Variants in PIP5K1C observed in about 807,000 individuals in gnomAD.
The protein encoded by PIP5K1C is phosphatidylinositol 4-phosphate 5-kinase type-1 gamma.
PIP5K1C carries 45 observed loss-of-function variants against 80.1 expected under a neutral mutation model. The observed-to-expected ratio is 0.56, with a 90% CI of 0.44 to 0.72. The LOEUF (loss-of-function observed/expected upper bound fraction) is 0.72. PIP5K1C is among the 30% of genes least tolerant of loss of function. The pLI is 0.00. For missense variants in PIP5K1C, 753 were observed against 954.6 expected, an observed-to-expected ratio of 0.79 and a Z score of 2.78; for synonymous variants, 498 against 420.1, an observed-to-expected ratio of 1.19 and a Z score of -2.27.
Position 3,637,034 on chromosome 19 carries a change from G to C in PIP5K1C, c.1920+1850C>G. ...CCGAGGCCTCAGCGCCTCCATCTGT[G>C]AGGTGGGTGTGGAGAGACCATCTCC... On this transcript the variant is annotated intron_variant, in intron 16 of 17. Coordinates refer to ENST00000335312, the MANE Select transcript of PIP5K1C (RefSeq NM_012398.3). The surrounding 1 kb of genome is among the most constrained non-coding windows in gnomAD (Gnocchi z 7.0). 3 of 1,070,174 alleles carry C rather than the reference G, an allele frequency of 2.8e-6. No homozygotes were observed. The highest frequency in any genetic ancestry group is 3.4e-6 in the Non-Finnish European group (3 of 882,640). 66.3% of individuals were successfully genotyped at this position (1,070,174 alleles called of 1,614,324 possible).
intron 2 of PIP5K1C, among the ~76,000 whole-genome samples, chr19:3,666,064 C>T (rs377529097): frequency 1.3e-4 from 20 of 152,294 alleles, no homozygotes; most frequent in African/African-American, 4.6e-4. Flanking sequence ...CCCCGCCACC[C>T]GGGCCACCCT....
Position 3,632,897 on chromosome 19 carries a change from CG to C in PIP5K1C, c.*269del, listed in dbSNP as rs2145356371. 4.0e-6 allele frequency: 2 copies of C among 505,806 alleles called. No homozygotes were observed. The highest frequency in any genetic ancestry group is 7.0e-6 in the Non-Finnish European group (2 of 287,368). 31.3% of individuals were successfully genotyped at this position (505,806 alleles called of 1,614,324 possible). A position where few individuals can be genotyped will look rare whatever the true frequency, so the allele number is the denominator to read the frequency against. On this transcript the variant is annotated 3_prime_UTR_variant, in exon 18 of 18. Transcript: ENST00000335312. ...TCCTAAAACGGCACACACGTGCTTC[CG>C]TCTCTGTGCCAAATAAGGACTCAAA...
intron 1 of PIP5K1C, among the ~76,000 whole-genome samples, chr19:3,672,263 T>G (rs2035231778): frequency 6.6e-6 from 1 of 152,238 alleles, no homozygotes; most frequent in Admixed American, 6.5e-5. Flanking sequence ...ACCCAGCTGT[T>G]CCCTGGCCTG....
chr19:3,678,032 T>G (rs1260555318), intron 1 of PIP5K1C, among the ~76,000 whole-genome samples: 11 of 61,722 alleles, frequency 1.8e-4, no homozygotes, highest in Admixed American at 4.9e-4. Flanking sequence ...GACGGAGGGA[T>G]GGAGAATGGA....
In PIP5K1C at chr19:3,648,044, C is replaced by T. The variant is rs1424217861; in HGVS notation, c.1211+581G>A. 6.6e-6 allele frequency among the ~76,000 whole-genome samples: 1 copy of T among 151,926 alleles called. No individual in the cohort carries two copies. The highest frequency in any genetic ancestry group is 2.4e-5 in the African/African-American group (1 of 41,354). On this transcript the variant is annotated intron_variant, in intron 9 of 17. Transcript: ENST00000335312. The surrounding 1 kb of genome is among the most constrained non-coding windows in gnomAD (Gnocchi z 4.3). ...TTTTCTTTTTTCTTTTTTTTTGGGA[C>T]AGGGTCTTGCTCTGTCACCCAGCCT...
chr19:3,694,935 G>A (rs760444161), intron 1 of PIP5K1C, among the ~76,000 whole-genome samples: 9 of 152,260 alleles, frequency 5.9e-5, no homozygotes, highest in South Asian at 2.1e-4. Context: ...TTTCGGCTTC[G>A]TGGGACACGT....
At chr19:3,643,059 T>C (rs2034039687) in intron 13 of PIP5K1C, 120 bp from the exon 14 acceptor site, 1 of 1,457,898 alleles carries the variant, frequency 6.9e-7, no homozygotes, top group Non-Finnish European at 9.6e-7. Flanking sequence ...CCTGTACATA[T>C]GCTCCTCCCT....
At position 3,688,262 on chromosome 19, in the gene PIP5K1C, C is replaced by G. The variant is rs2035833456; in HGVS notation, c.94+12035G>C. On this transcript the variant is annotated intron_variant, in intron 1 of 17. Transcript: ENST00000335312. The surrounding 1 kb of genome is among the most constrained non-coding windows in gnomAD (Gnocchi z 5.3). ...TGTCCTCCAGGGGCGCAGCGTCCCT[C>G]CGGGGAGTACAGTGTCCCTGAAGGG... Among the ~76,000 whole-genome samples the G allele has an allele frequency of 6.6e-6, 1 of 152,218 alleles. No individual in the cohort carries two copies. The highest frequency in any genetic ancestry group is 1.5e-5 in the Non-Finnish European group (1 of 68,032).
intron 1 of PIP5K1C, among the ~76,000 whole-genome samples, chr19:3,676,686 C>T (rs1181366026): frequency 3.9e-5 from 6 of 152,090 alleles, no homozygotes; most frequent in Non-Finnish European, 7.4e-5. Context: ...CCAAAGTCAA[C>T]GGTGAAAAAC....
chr19:3,639,705 C>T (rs1332117176), intron 15 of PIP5K1C, among the ~76,000 whole-genome samples: 1 of 152,040 alleles, frequency 6.6e-6, no homozygotes, highest in African/African-American at 2.4e-5. Flanking sequence ...GGAGGGATCA[C>T]AGACGGAAGC....
rs538485220 is a variant in PIP5K1C at position 3,633,337 on chromosome 19, G to A, written c.2004+100C>T. 5.1e-5 allele frequency: 47 copies of A among 928,772 alleles called. No individual in the cohort carries two copies. In the East Asian group the frequency reaches 8.5e-4, roughly 17 times the overall value. 57.5% of individuals were successfully genotyped at this position (928,772 alleles called of 1,614,324 possible). A position where few individuals can be genotyped will look rare whatever the true frequency, so the allele number is the denominator to read the frequency against. Reference sequence around the variant, plus strand: ...AGCTCTGGGCCACCTGTGCCCTCCCGCCCCGGGCCTCAGTCCCTGCCTATC... The same window carrying A: ...AGCTCTGGGCCACCTGTGCCCTCCCACCCCGGGCCTCAGTCCCTGCCTATC... On this transcript the variant is annotated intron_variant, in intron 17 of 17. Transcript: ENST00000335312.
At chr19:3,641,221 A>C (rs1465431115) in intron 15 of PIP5K1C, among the ~76,000 whole-genome samples, 2 of 152,112 alleles carry the variant, frequency 1.3e-5, no homozygotes, top group African/African-American at 2.4e-5. Flanking sequence ...TCTCACAAAA[A>C]AAATTTAAAA....
In PIP5K1C at chr19:3,644,212, G is replaced by T. The variant is rs748390114; in HGVS notation, c.1385C>A (p.Ala462Asp). 1.9e-6 allele frequency: 3 copies of T among 1,612,354 alleles called. No individual in the cohort carries two copies. Among genetic ancestry groups the T allele is most frequent in the Non-Finnish European group, 1.7e-6 (2 of 1,179,896 alleles). The change falls in exon 12 of 18, where the codon GCC becomes GAC. Residue 462 changes from alanine (A) to aspartate (D), a missense_variant. Around this residue, in one of 6 missense-constraint regions of PIP5K1C, gnomAD observed 315 missense variants for 294.5 expected, o/e 1.07. Transcript: ENST00000335312. ...SSPSKKGRGG[A>D]LLAVKPLGPT... ...CCCCAGCGGTTTCACAGCTAGCAAG[G>T]CTCCGCCGCGCCCCTTCTTGGAGGG...
At chr19:3,699,572 T>C (rs893268235) in intron 1 of PIP5K1C, among the ~76,000 whole-genome samples, 2 of 152,178 alleles carry the variant, frequency 1.3e-5, no homozygotes, top group Admixed American at 1.3e-4. Context: ...ATTTGGGAGC[T>C]TGTGACCTCG....
chr19:3,680,298 G>A (rs1269580550), intron 1 of PIP5K1C, among the ~76,000 whole-genome samples: 1 of 152,142 alleles, frequency 6.6e-6, no homozygotes, highest in Admixed American at 6.6e-5. Context: ...CTGTCTAAAT[G>A]CAACTGTCTT....
At chr19:3,685,598 C>T (rs1393337421) in intron 1 of PIP5K1C, among the ~76,000 whole-genome samples, 3 of 151,918 alleles carry the variant, frequency 2.0e-5, no homozygotes, top group Non-Finnish European at 4.4e-5. Flanking sequence ...GGTGTGGTGG[C>T]GGGCGCCTGT....
Position 3,632,981 on chromosome 19 carries a change from C to T in PIP5K1C, c.*186G>A, listed in dbSNP as rs1006844382. 8.0e-5 allele frequency: 42 copies of T among 526,434 alleles called. No individual in the cohort carries two copies. Among genetic ancestry groups the T allele is most frequent in the South Asian group, 2.6e-4 (10 of 38,466 alleles). 32.6% of individuals were successfully genotyped at this position (526,434 alleles called of 1,614,324 possible). ...AGGGGCAGGCTGCCGACCGGGGTGC[C>T]GGGGCCCTGGGAGGCTTGTCGGGGA... On this transcript the variant is annotated 3_prime_UTR_variant, in exon 18 of 18. Coordinates refer to ENST00000335312, the MANE Select transcript of PIP5K1C (RefSeq NM_012398.3).
intron 11 of PIP5K1C, among the ~76,000 whole-genome samples, 182 bp downstream of exon 11, chr19:3,645,792 T>C (rs1035060231): frequency 3.9e-5 from 6 of 152,186 alleles, no homozygotes; most frequent in African/African-American, 9.7e-5. Context: ...TCTACCGCTG[T>C]GCAGAGCAAA....
intron 1 of PIP5K1C, among the ~76,000 whole-genome samples, chr19:3,679,011 G>C (rs1194369714): frequency 6.6e-6 from 1 of 151,948 alleles, no homozygotes; most frequent in Admixed American, 6.6e-5. Context: ...TGGTGGGATG[G>C]AGGGATGGCG....
Sources: gnomAD v4.1 joint callset for allele counts (sites outside exome capture counted in the v4.1 genomes callset) on GRCh38, gnomAD v4.1.1 for gene constraint, gnomAD v4.1.1 regional missense constraint, Gnocchi (gnomAD v3.1) non-coding constraint, MANE v1.5 for transcripts, NCBI Gene and HGNC (gene_info 2026-07-23, HGNC 2026-07-21) for gene names.